Variants in RFX7 observed in about 807,000 individuals in gnomAD.
The protein encoded by RFX7 is regulatory factor X7, also known as DNA-binding protein RFX7.
Under a neutral mutation model 111.8 loss-of-function variants are expected in RFX7, and 26 were observed. The ratio of observed to expected loss-of-function variants is 0.23; its 90% CI spans 0.17 to 0.32. The LOEUF is 0.32. Among genes scored for constraint, RFX7 ranks in the 10% least tolerant of loss-of-function variants. RFX7 has a pLI of 1.00. For synonymous variants in RFX7, 624 were observed against 624.4 expected (o/e 1.00, Z 0.01); for missense variants, 1,573 against 1,772.9 (o/e 0.89, Z 2.02).
rs1465193881 is a variant in RFX7 at position 56,238,775 on chromosome 15, T to G, written c.161+4350A>C. 2.6e-5 allele frequency among the ~76,000 whole-genome samples: 4 copies of G among 152,306 alleles called. No individual in the cohort carries two copies. The South Asian group carries it at 8.3e-4, about 32-fold the overall frequency. On this transcript the variant is annotated intron_variant, in intron 2 of 9. Coordinates refer to ENST00000559447, the MANE Select transcript of RFX7 (RefSeq NM_022841.7). ...AGGTACAAGTTTAATACAAGTTGAC[T>G]ATCTCTTATCTGAAATGCGTGGGAT... is the stretch of plus-strand genomic sequence containing the variant.
intron 5 of RFX7, among the ~76,000 whole-genome samples, chr15:56,140,521 C>G (rs2042377434): frequency 6.6e-6 from 1 of 152,236 alleles, no homozygotes; most frequent in South Asian, 2.1e-4. Context: ...CTGTCTGGCA[C>G]TCCCTAGTGA....
At chr15:56,192,387 A>G in intron 2 of RFX7, 1 of 228,476 alleles carries the variant, frequency 4.4e-6, no homozygotes, top group Non-Finnish European at 9.4e-6. Context: ...CTTCTTGCCA[A>G]GCTTCTTCTC....
intron 3 of RFX7, among the ~76,000 whole-genome samples, chr15:56,166,303 T>C (rs1007323326): frequency 2.0e-5 from 3 of 152,220 alleles, no homozygotes; most frequent in African/African-American, 7.2e-5. Flanking sequence ...GCAAGCTAAA[T>C]GTTATTTAAT....
At chr15:56,134,028 G>A (rs939663661) in intron 5 of RFX7, among the ~76,000 whole-genome samples, 2 of 152,056 alleles carry the variant, frequency 1.3e-5, no homozygotes, top group African/African-American at 4.8e-5. Context: ...TGGAAGTCCT[G>A]GCCAAATAAT....
intron 3 of RFX7, among the ~76,000 whole-genome samples, chr15:56,145,081 C>G (rs1054557722): frequency 6.6e-6 from 1 of 152,176 alleles, no homozygotes; most frequent in Non-Finnish European, 1.5e-5. Flanking sequence ...CCAACAGTAG[C>G]TATTTAGAGA....
chr15:56,111,975 C>T (rs1395838007), intron 5 of RFX7, among the ~76,000 whole-genome samples: 10 of 151,916 alleles, frequency 6.6e-5, no homozygotes, highest in Admixed American at 5.2e-4. Context: ...ACTAGCCGGG[C>T]GTGGTGGTGT....
intron 5 of RFX7, among the ~76,000 whole-genome samples, chr15:56,110,343 G>A (rs1351661854): frequency 9.5e-6 from 1 of 105,374 alleles, no homozygotes; most frequent in African/African-American, 3.5e-5. Context: ...CCCCCGCCTG[G>A]CCAGCCGCCT....
At chr15:56,108,260 C>A (rs982844642) in intron 5 of RFX7, among the ~76,000 whole-genome samples, 3 of 151,650 alleles carry the variant, frequency 2.0e-5, no homozygotes, top group African/African-American at 2.4e-5. Flanking sequence ...CAAAAAACTT[C>A]AGGCCAGTAT....
rs569368229 is a variant in RFX7, at chr15:56,143,728, G to T, written c.278+673C>A. ...TTAAAACAGTGATAAAAGTTGGTCT[G>T]AGGGAAAAAAAGATAAAACTCAAAT... is the stretch of plus-strand genomic sequence containing the variant. On this transcript the variant is annotated intron_variant, in intron 4 of 9. Coordinates refer to ENST00000559447, the MANE Select transcript of RFX7 (RefSeq NM_022841.7). Among the ~76,000 whole-genome samples the T allele has an allele frequency of 9.9e-5, 15 of 152,026 alleles. 1 individual carries two copies. The highest frequency in any genetic ancestry group is 3.4e-4 in the African/African-American group (14 of 41,500).
At chr15:56,189,455 T>TA (rs368339215) in intron 2 of RFX7, among the ~76,000 whole-genome samples, 1,514 of 144,616 alleles carry the variant, frequency 0.01, 13 homozygotes, top group Non-Finnish European at 0.015. Context: ...ATTAAGACAG[T>TA]AAAAAAAAAA....
intron 3 of RFX7, among the ~76,000 whole-genome samples, chr15:56,161,708 AG>A (rs2042721792): frequency 6.6e-6 from 1 of 152,110 alleles, no homozygotes; most frequent in Non-Finnish European, 1.5e-5. Context: ...ATAACACGGT[AG>A]AAAGTACCGT....
At chr15:56,118,124 G>T (rs1473512879) in intron 5 of RFX7, among the ~76,000 whole-genome samples, 4 of 152,034 alleles carry the variant, frequency 2.6e-5, no homozygotes, top group African/African-American at 9.7e-5. Flanking sequence ...CATACAATGT[G>T]TAATAATCAT....
chr15:56,101,896 A>G (rs78368709), intron 7 of RFX7, among the ~76,000 whole-genome samples: 62 of 152,356 alleles, frequency 4.1e-4, no homozygotes, highest in African/African-American at 1.5e-3. Context: ...TTACATGATG[A>G]CTGACTTTTT....
chr15:56,131,597 C>T (rs1329587684), intron 5 of RFX7, among the ~76,000 whole-genome samples: 2 of 152,148 alleles, frequency 1.3e-5, no homozygotes, highest in African/African-American at 4.8e-5. Context: ...ATCACATTGA[C>T]AGGTCAAATA....
At chr15:56,243,009 A>C in intron 2 of RFX7, 116 bp downstream of exon 2, 1 of 742,278 alleles carries the variant, frequency 1.3e-6, no homozygotes, top group Non-Finnish European at 2.0e-6. Flanking sequence ...GGGGAAAGCC[A>C]CATTCAATGA....
chr15:56,095,304 A>G lies in RFX7; in HGVS notation c.2424T>C (p.Pro808=). 6.2e-7 allele frequency: 1 copy of G among 1,613,992 alleles called. No individual in the cohort carries two copies. The change falls in exon 10 of 10, where the codon CCT becomes CCC. Residue 808 remains proline, a synonymous_variant. Coordinates refer to ENST00000559447, the MANE Select transcript of RFX7 (RefSeq NM_022841.7). ...CTAAGTCATTGATATCAGAGTGCTCAGGAATTGTCATAACACTGATATCTT... is the reference window on the plus strand; with the variant it reads ...CTAAGTCATTGATATCAGAGTGCTCGGGAATTGTCATAACACTGATATCTT... ...QQQDISVMTI[P]EHSDINDLEK...
At chr15:56,112,616 C>G (rs1349960122) in intron 5 of RFX7, among the ~76,000 whole-genome samples, 1 of 152,062 alleles carries the variant, frequency 6.6e-6, no homozygotes, top group Non-Finnish European at 1.5e-5. Flanking sequence ...ATGAAGAAAT[C>G]GCCACAAGCA....
At chr15:56,240,231 G>C (rs1389538301) in intron 2 of RFX7, among the ~76,000 whole-genome samples, 11 of 151,790 alleles carry the variant, frequency 7.2e-5, no homozygotes, top group Admixed American at 7.2e-4. Flanking sequence ...CTAGTGAATA[G>C]TGTCAGTGAT....
chr15:56,223,609 T>C (rs1165520537), intron 2 of RFX7, among the ~76,000 whole-genome samples: 4 of 152,216 alleles, frequency 2.6e-5, no homozygotes, highest in Non-Finnish European at 5.9e-5. Flanking sequence ...TTAATTTTTA[T>C]ATACTTTTAA....
Sources: allele counts gnomAD v4.1 joint callset (sites outside exome capture counted in the v4.1 genomes callset), GRCh38; gene constraint gnomAD v4.1.1; transcripts MANE v1.5; gene names NCBI Gene and HGNC (gene_info 2026-07-23, HGNC 2026-07-21).